The following TIAM1 variants were observed in gnomAD, a reference collection of about 807,000 sequenced individuals.
TIAM1 encodes rho guanine nucleotide exchange factor TIAM1.
A neutral mutation model predicts 163.5 loss-of-function variants in TIAM1; 65 were observed. The observed-to-expected ratio is 0.40, with a 90% confidence interval of 0.33 to 0.49. The LOEUF (loss-of-function observed/expected upper bound fraction) is 0.49, where lower values mean the gene tolerates loss of function less well. Ranked by LOEUF, TIAM1 falls within the 20% of genes least tolerant of loss-of-function variation. The probability of loss-of-function intolerance (pLI) is 0.77; values close to 1 mark genes in which losing one functional copy is unlikely to be tolerated. For missense variants in TIAM1, 1,789 were observed against 2,044.7 expected (o/e 0.87, Z 2.41); for synonymous variants, 833 against 810.1 (o/e 1.03, Z -0.48).
At chr21:31,130,822 A>AT (rs1440741886) in intron 24 of TIAM1, 68 bp downstream of exon 24, 1 of 1,444,982 alleles carries the variant, frequency 6.9e-7, no homozygotes, top group Non-Finnish European at 9.7e-7. Flanking sequence ...TGGTAGAATT[A>AT]TGCAGGCATA....
rs1491247935 is a variant in TIAM1 at position 31,462,747 on chromosome 21, TTG to T, written c.-369+1234_-369+1235del. On this transcript the variant is annotated intron_variant, in intron 2 of 28. Transcript: ENST00000286827. Reference sequence around the variant, plus strand: ...AACCCCACTTTTTTGTTTTTTTTTTTTGTTTTTTTTTTTGAGACCAAGTCTCA... The same window carrying T: ...AACCCCACTTTTTTGTTTTTTTTTTTTTTTTTTTTTTGAGACCAAGTCTCA... Among the ~76,000 whole-genome samples the T allele has an allele frequency of 9.3e-3, 664 of 71,476 alleles. 8 individuals carry two copies. Among genetic ancestry groups the T allele is most frequent in the Non-Finnish European group, 0.013 (423 of 33,252 alleles). The allele number at this position is 71,476 out of a possible 152,430, so 46.9% of individuals were successfully genotyped here.
intron 4 of TIAM1, among the ~76,000 whole-genome samples, chr21:31,254,350 G>A (rs2071978713): frequency 6.6e-6 from 1 of 152,190 alleles, no homozygotes; most frequent in African/African-American, 2.4e-5. Flanking sequence ...ACTATTATAT[G>A]GTGACCTCAT....
At chr21:31,475,135 T>C (rs1181407589) in intron 1 of TIAM1, among the ~76,000 whole-genome samples, 1 of 151,630 alleles carries the variant, frequency 6.6e-6, no homozygotes, top group Non-Finnish European at 1.5e-5. Flanking sequence ...CACTGCAGCA[T>C]CGACCTCCCC....
intron 2 of TIAM1, among the ~76,000 whole-genome samples, chr21:31,287,702 T>C (rs12626842): frequency 0.22 from 32,734 of 152,002 alleles, 4,356 homozygotes; most frequent in East Asian, 0.42. Context: ...AATGTTGCAG[T>C]GAGGCGAGTG....
At chr21:31,199,152 T>C (rs1264051087) in intron 12 of TIAM1, among the ~76,000 whole-genome samples, 2 of 152,236 alleles carry the variant, frequency 1.3e-5, no homozygotes, top group African/African-American at 4.8e-5. Flanking sequence ...CCTAGGGCTC[T>C]TGAGTTCTCA....
chr21:31,234,010 G>A (rs983664632), intron 6 of TIAM1, among the ~76,000 whole-genome samples: 1 of 152,182 alleles, frequency 6.6e-6, no homozygotes, highest in African/African-American at 2.4e-5. Flanking sequence ...GTCTGTCCAT[G>A]CTATGAAAGG....
At chr21:31,191,950 A>T (rs2146481414) in intron 13 of TIAM1, among the ~76,000 whole-genome samples, 1 of 152,294 alleles carries the variant, frequency 6.6e-6, no homozygotes, top group Non-Finnish European at 1.5e-5. Context: ...AATTAAGTAA[A>T]CTGAAGAGAA....
intron 1 of TIAM1, among the ~76,000 whole-genome samples, chr21:31,526,013 G>A (rs2047770213): frequency 6.8e-6 from 1 of 146,492 alleles, no homozygotes; most frequent in Non-Finnish European, 1.5e-5. Context: ...AAGCCTGGGT[G>A]GCAGAGCAAG....
intron 2 of TIAM1, among the ~76,000 whole-genome samples, chr21:31,296,414 A>G (rs780687116): frequency 6.6e-6 from 1 of 152,176 alleles, no homozygotes; most frequent in Non-Finnish European, 1.5e-5. Flanking sequence ...GTGACAGAGG[A>G]CTTCCCCAAC....
chr21:31,336,422 G>A (rs995855487), intron 2 of TIAM1, among the ~76,000 whole-genome samples: 2 of 151,308 alleles, frequency 1.3e-5, no homozygotes, highest in Non-Finnish European at 2.9e-5. Flanking sequence ...TTGAGCAGCT[G>A]CAGTGTGAAA....
Position 31,535,380 on chromosome 21 carries a change from CAAAAAAAAAAAAA to C in TIAM1, c.-422+23534_-422+23546del, listed in dbSNP as rs59742048. ...TGGGCGACAGAGGAAGGCTCCATCT[CAAAAAAAAAAAAA>C]AAAAAAAAAAAAAAAAAGTTTATCC... On this transcript the variant is annotated intron_variant, in intron 1 of 28. Coordinates refer to the TIAM1 transcript ENST00000286827. Among the ~76,000 whole-genome samples the C allele has an allele frequency of 5.6e-3, 304 of 54,308 alleles. 1 individual carries two copies. The highest frequency in any genetic ancestry group is 0.014 in the African/African-American group (199 of 13,858). 35.6% of individuals were successfully genotyped at this position (54,308 alleles called of 152,430 possible). A position where few individuals can be genotyped will look rare whatever the true frequency, so the allele number is the denominator to read the frequency against.
intron 1 of TIAM1, among the ~76,000 whole-genome samples, chr21:31,523,268 T>C (rs1244465977): frequency 2.0e-5 from 3 of 152,222 alleles, no homozygotes; most frequent in Non-Finnish European, 4.4e-5. Context: ...TCACTAAATA[T>C]AGCCTAATGA....
intron 1 of TIAM1, among the ~76,000 whole-genome samples, chr21:31,538,482 G>A (rs1447779215): frequency 6.6e-6 from 1 of 152,158 alleles, no homozygotes; most frequent in African/African-American, 2.4e-5. Flanking sequence ...AAATTAAAAA[G>A]TATTTTTAAA....
In TIAM1 at chr21:31,130,274, G is replaced by A. The variant is rs1422225411; in HGVS notation, c.3984C>T (p.Pro1328=). 1 of 1,614,130 alleles carries A rather than the reference G, an allele frequency of 6.2e-7. No individual in the cohort carries two copies. The highest frequency in any genetic ancestry group is 1.1e-5 in the South Asian group (1 of 91,084). ...HRLSIYEDWD[P]FRFRHMIPTE... ...TGGGGATCATGTGTCGAAATCTGAA[G>A]GGGTCCCAGTCCTCATAAATGGAAA... is the stretch of plus-strand genomic sequence containing the variant. Residue 1328 remains proline, a synonymous_variant, in exon 25 of 28, where the codon CCC becomes CCT. Transcript: ENST00000541036.
chr21:31,454,447 C>G (rs549199280), intron 2 of TIAM1, among the ~76,000 whole-genome samples: 1 of 152,288 alleles, frequency 6.6e-6, no homozygotes, highest in African/African-American at 2.4e-5. Context: ...CCTTTCCAAG[C>G]AATCCATTCC....
intron 1 of TIAM1, among the ~76,000 whole-genome samples, chr21:31,550,155 AG>A: frequency 6.6e-6 from 1 of 152,290 alleles, no homozygotes; most frequent in South Asian, 2.1e-4. Flanking sequence ...TAAAAAAAAA[AG>A]ATATTCAAAC....
At chr21:31,327,841 G>C (rs1236099022) in intron 2 of TIAM1, among the ~76,000 whole-genome samples, 1 of 151,942 alleles carries the variant, frequency 6.6e-6, no homozygotes, top group Non-Finnish European at 1.5e-5. Context: ...GAAATGGTGC[G>C]TAGTCTCCTC....
intron 2 of TIAM1, among the ~76,000 whole-genome samples, chr21:31,383,286 T>C (rs1488475252): frequency 1.3e-5 from 2 of 152,146 alleles, no homozygotes; most frequent in Non-Finnish European, 2.9e-5. Flanking sequence ...TCAGAATACT[T>C]AAAAGAGTAA....
chr21:31,360,499 T>C (rs1463760868), intron 2 of TIAM1, among the ~76,000 whole-genome samples: 1 of 152,032 alleles, frequency 6.6e-6, no homozygotes, highest in African/African-American at 2.4e-5. Flanking sequence ...AATCCTGAGG[T>C]TTTTTTAATA....
Sources: allele counts gnomAD v4.1 joint callset (sites outside exome capture counted in the v4.1 genomes callset), GRCh38; gene constraint gnomAD v4.1.1; transcripts MANE v1.5; gene names NCBI Gene and HGNC (gene_info 2026-07-23, HGNC 2026-07-21).